The following AFG3L2 variants were observed in gnomAD, a reference collection of about 807,000 sequenced individuals.
AFG3L2 encodes mitochondrial inner membrane m-AAA protease component AFG3L2.
Under a neutral mutation model 94.5 loss-of-function variants are expected in AFG3L2, and 54 were observed. That is an observed-to-expected ratio of 0.57 (90% CI 0.46 to 0.72). The LOEUF is 0.72. Ranked by LOEUF, AFG3L2 falls within the 30% of genes least tolerant of loss-of-function variation. The pLI is 0.00. For missense variants in AFG3L2, 754 were observed against 994.9 expected (o/e 0.76, Z 3.26); for synonymous variants, 377 against 365.5 (o/e 1.03, Z -0.36).
rs745691120 is a variant in AFG3L2 at position 12,358,913 on chromosome 18, C to T, written c.783G>A (p.Val261=). ...TGTAGAGCAAGAAGGCGATGATGAG[C>T]ACCGTAGGCAGCATGCTCAGCAGAA... is the stretch of plus-strand genomic sequence containing the variant. The part of the protein sequence containing the change: ...GSFLLSMLPT[V]LIIAFLLYTI... The change falls in exon 8 of 17, where the codon GTG becomes GTA. Residue 261 remains valine, a synonymous_variant. Transcript: ENST00000269143. The T allele has an allele frequency of 8.1e-6, 13 of 1,613,890 alleles. No individual in the cohort carries two copies. Among genetic ancestry groups the T allele is most frequent in the Non-Finnish European group, 1.0e-5 (12 of 1,179,936 alleles).
chr18:12,335,210 G>A (rs1466976974), intron 16 of AFG3L2, among the ~76,000 whole-genome samples: 2 of 152,116 alleles, frequency 1.3e-5, no homozygotes, highest in Non-Finnish European at 2.9e-5. Flanking sequence ...TCACAGGAAT[G>A]GACAAAGACC....
intron 6 of AFG3L2, among the ~76,000 whole-genome samples, chr18:12,361,752 A>C (rs538027712): frequency 1.3e-5 from 2 of 152,388 alleles, no homozygotes; most frequent in Non-Finnish European, 2.9e-5. Flanking sequence ...TTTCTCTCCA[A>C]GTATCTAAAA....
chr18:12,352,590 A>G (rs1161194523), intron 10 of AFG3L2, among the ~76,000 whole-genome samples: 2 of 152,192 alleles, frequency 1.3e-5, no homozygotes, highest in African/African-American at 4.8e-5. Context: ...AGAGAATGAG[A>G]TGGTAATTCT....
At chr18:12,356,648 TGGTG>T (rs1400176847) in intron 9 of AFG3L2, 42 bp downstream of exon 9, 1 of 1,613,490 alleles carries the variant, frequency 6.2e-7, no homozygotes, top group African/African-American at 1.3e-5. Context: ...TGTGGTGAAG[TGGTG>T]GGTGCAAGGA....
intron 13 of AFG3L2, 108 bp downstream of exon 13, chr18:12,348,165 T>A (rs963795134): frequency 1.1e-6 from 1 of 918,656 alleles, no homozygotes; most frequent in Non-Finnish European, 1.7e-6. Flanking sequence ...GCCCCAGGGC[T>A]GAGTGGATAC....
intron 12 of AFG3L2, among the ~76,000 whole-genome samples, chr18:12,348,814 G>C (rs919275392): frequency 4.6e-5 from 7 of 152,174 alleles, no homozygotes; most frequent in Non-Finnish European, 1.0e-4. Flanking sequence ...TACATTCAGT[G>C]AAACAACTAA....
intron 10 of AFG3L2, 80 bp downstream of exon 10, chr18:12,352,925 G>A: frequency 6.3e-7 from 1 of 1,583,720 alleles, no homozygotes; most frequent in Non-Finnish European, 8.6e-7. Flanking sequence ...ACTCACTTCA[G>A]CCTGGACGAC....
intron 13 of AFG3L2, among the ~76,000 whole-genome samples, chr18:12,345,107 C>G (rs952837076): frequency 1.3e-5 from 2 of 152,200 alleles, no homozygotes; most frequent in African/African-American, 4.8e-5. Context: ...TAGGTGGAGC[C>G]AGCCAGGCTG....
At chr18:12,343,659 T>A (rs11877179) in intron 14 of AFG3L2, 2 of 185,678 alleles carry the variant, frequency 1.1e-5, no homozygotes, top group African/African-American at 4.8e-5. Flanking sequence ...GGCCTGAGAT[T>A]TGGGCAGTTC....
At chr18:12,365,874 T>C (rs1908790098) in intron 5 of AFG3L2, among the ~76,000 whole-genome samples, 2 of 144,644 alleles carry the variant, frequency 1.4e-5, no homozygotes, top group Non-Finnish European at 3.0e-5. Flanking sequence ...ATCAATTCTT[T>C]TTTTTTTTTT....
At chr18:12,350,967 T>C (rs1908296095) in intron 12 of AFG3L2, 118 bp downstream of exon 12, 1 of 1,371,480 alleles carries the variant, frequency 7.3e-7, no homozygotes, top group East Asian at 2.4e-5. Context: ...AAAATGAGAA[T>C]ATAAACTTAG....
intron 14 of AFG3L2, chr18:12,341,307 A>G (rs1232585309): frequency 1.2e-4 from 19 of 152,230 alleles, no homozygotes; most frequent in Admixed American, 1.2e-3. Flanking sequence ...CATATATGGT[A>G]AAATGCACCC....
At chr18:12,356,123 A>G (rs1372452262) in intron 9 of AFG3L2, among the ~76,000 whole-genome samples, 1 of 149,374 alleles carries the variant, frequency 6.7e-6, no homozygotes, top group East Asian at 2.0e-4. Flanking sequence ...GTTGTCACCA[A>G]AAAAAAAAAA....
chr18:12,348,243 T>C (rs1908207814), intron 13 of AFG3L2, 30 bp downstream of exon 13: 1 of 1,565,350 alleles, frequency 6.4e-7, no homozygotes, highest in Non-Finnish European at 8.8e-7. Flanking sequence ...TTATCAGCCT[T>C]TCCACTTGAG....
intron 6 of AFG3L2, among the ~76,000 whole-genome samples, chr18:12,361,420 G>A (rs374211595): frequency 2.0e-5 from 3 of 152,088 alleles, no homozygotes; most frequent in Non-Finnish European, 2.9e-5. Flanking sequence ...AGGCCAAGGC[G>A]GGTGGATCAC....
chr18:12,333,550 A>G (rs1436177368), intron 16 of AFG3L2, among the ~76,000 whole-genome samples: 2 of 151,176 alleles, frequency 1.3e-5, no homozygotes, highest in Non-Finnish European at 2.9e-5. Flanking sequence ...TTTTTAGTAC[A>G]AACAGGGTTT....
At chr18:12,363,648 C>A in intron 6 of AFG3L2, 134 bp downstream of exon 6, 1 of 721,606 alleles carries the variant, frequency 1.4e-6, no homozygotes, top group South Asian at 1.6e-5. Flanking sequence ...AGTAAGATCA[C>A]CCCTGCCACA....
intron 16 of AFG3L2, among the ~76,000 whole-genome samples, chr18:12,329,993 T>C (rs1406886883): frequency 1.3e-5 from 2 of 152,238 alleles, no homozygotes; most frequent in Non-Finnish European, 2.9e-5. Context: ...ATTTCCATAC[T>C]AGACATATTT....
At chr18:12,350,155 C>T (rs1908267561) in intron 12 of AFG3L2, among the ~76,000 whole-genome samples, 1 of 151,656 alleles carries the variant, frequency 6.6e-6, no homozygotes, top group African/African-American at 2.4e-5. Flanking sequence ...GGATTACAGG[C>T]ATGCACCACC....
Sources: allele counts gnomAD v4.1 joint callset (sites outside exome capture counted in the v4.1 genomes callset), GRCh38; gene constraint gnomAD v4.1.1; transcripts MANE v1.5; gene names NCBI Gene and HGNC (gene_info 2026-07-23, HGNC 2026-07-21).